The following SNCG variants were observed in gnomAD, a reference collection of about 807,000 sequenced individuals.
The protein encoded by SNCG is synuclein gamma.
A neutral mutation model predicts 16.0 loss-of-function variants in SNCG; 13 were observed. The observed-to-expected ratio is 0.81, with a 90% CI of 0.53 to 1.29. The LOEUF (loss-of-function observed/expected upper bound fraction) is 1.29. Ranked by LOEUF, SNCG falls within the 50% of genes most tolerant of loss-of-function variation. The pLI is 0.00. For missense variants in SNCG, 154 were observed against 168.5 expected (o/e 0.91, Z 0.48); for synonymous variants, 66 against 66.3 (o/e 1.00, Z 0.02).
rs776298995 is a variant in SNCG, at chr10:86,960,117, G to A, written c.280G>A (p.Val94Met). The change falls in exon 3 of 5, where the codon GTG (valine) becomes ATG (methionine). Residue 94 changes from valine (V) to methionine (M), a missense_variant. Transcript: ENST00000372017. ...GGAGAACATCGCGGTCACCTCCGGGGTGGTGCGCAAGGTGAGCCCCGGCCC... is the reference window on the plus strand; with the variant it reads ...GGAGAACATCGCGGTCACCTCCGGGATGGTGCGCAAGGTGAGCCCCGGCCC... ...EAENIAVTSG[V>M]VRKEDLRPSA... 56 of 1,612,332 alleles carry A rather than the reference G, an allele frequency of 3.5e-5. No individual in the cohort carries two copies. The highest frequency in any genetic ancestry group is 4.2e-6 in the Non-Finnish European group (5 of 1,179,274).
chr10:86,957,576 C>A, upstream of SNCG: 1 of 1,562,468 alleles, frequency 6.4e-7, no homozygotes, highest in Non-Finnish European at 8.6e-7. Context: ...CACACTCAGC[C>A]TTGGCAAGTA....
chr10:86,956,440 C>T (rs1039447677), upstream of SNCG, among the ~76,000 whole-genome samples: 1 of 152,232 alleles, frequency 6.6e-6, no homozygotes, highest in Non-Finnish European at 1.5e-5. Flanking sequence ...GTTGGCCCCC[C>T]CCTCACTCCC....
At position 86,960,035 on chromosome 10, in the gene SNCG, G is replaced by C. The variant is rs775526277; in HGVS notation, c.198G>C (p.Val66=). ...AGACCAAGGAGCAGGCCAACGCCGT[G>C]AGCGAGGCTGTGGTGAGCAGCGTCA... The part of the protein sequence containing the change: ...AEKTKEQANA[V]SEAVVSSVNT... The change falls in exon 3 of 5, where the codon GTG becomes GTC. Residue 66 remains valine, a synonymous_variant. Transcript: ENST00000372017. 1 of 1,611,094 alleles carries C rather than the reference G, an allele frequency of 6.2e-7. No individual in the cohort carries two copies. Among genetic ancestry groups the C allele is most frequent in the Middle Eastern group, 1.7e-4 (1 of 6,058 alleles).
Position 86,963,026 on chromosome 10 carries a change from C to T in SNCG, c.*41C>T, listed in dbSNP as rs1316952850. 6.3e-7 allele frequency: 1 copy of T among 1,577,450 alleles called. No individual in the cohort carries two copies. Among genetic ancestry groups the T allele is most frequent in the Non-Finnish European group, 8.6e-7 (1 of 1,159,830 alleles). ...CGTGGATGACCTGAAGAGCGCTCCTCTGCCTTGGACACCATCCCCTCCTAG... is the reference window on the plus strand; with the variant it reads ...CGTGGATGACCTGAAGAGCGCTCCTTTGCCTTGGACACCATCCCCTCCTAG... On this transcript the variant is annotated 3_prime_UTR_variant, in exon 5 of 5. Coordinates refer to ENST00000372017, the MANE Select transcript of SNCG (RefSeq NM_003087.3).
At chr10:86,956,467 C>A (rs1844233024), upstream of SNCG, among the ~76,000 whole-genome samples, 1 of 152,174 alleles carries the variant, frequency 6.6e-6, no homozygotes, top group Admixed American at 6.5e-5. Context: ...CATGTAGATG[C>A]CCTTAGCCAA....
Position 86,958,755 on chromosome 10 carries a change from G to GA in SNCG, c.62dup (p.Thr22AspfsTer10). On this transcript the variant is annotated frameshift_variant, in exon 1 of 5. Coordinates refer to ENST00000372017, the MANE Select transcript of SNCG (RefSeq NM_003087.3). LOFTEE classifies it high-confidence loss of function. ...CAAGGAGGGCGTGGTGGGTGCGGTGGAAAAGACCAAGCAGGGGGTGACGGA... is the reference window on the plus strand; with the variant it reads ...CAAGGAGGGCGTGGTGGGTGCGGTGGAAAAAGACCAAGCAGGGGGTGACGGA... The GA allele has an allele frequency of 6.2e-7, 1 of 1,613,886 alleles. No homozygotes were observed. The highest frequency in any genetic ancestry group is 8.5e-7 in the Non-Finnish European group (1 of 1,179,890).
upstream of SNCG, chr10:86,958,169 C>T (rs1344782251): frequency 3.1e-6 from 3 of 982,772 alleles, no homozygotes; most frequent in African/African-American, 3.5e-5. Flanking sequence ...GCCCAGGCCG[C>T]GGGAGGTTGG....
upstream of SNCG, chr10:86,958,499 C>CCAACCAACCA: frequency 9.0e-7 from 1 of 1,111,546 alleles, no homozygotes; most frequent in Non-Finnish European, 1.1e-6. Context: ...AACCTCCTTC[C>CCAACCAACCA]CTCCCTCCCT....
rs754860042 is a variant in SNCG, at chr10:86,959,688, G to C, written c.163+14G>C. ...GCGTGACCTCAGGTGAGAAGCCCCA[G>C]GGCCAGGGGACACATGGGGGATAGG... On this transcript the variant is annotated intron_variant, in intron 2 of 4. Transcript: ENST00000372017. This position sits in a 1 kb window ranked among gnomAD's most constrained non-coding sequence, Gnocchi z 4.3. 3.7e-6 allele frequency: 6 copies of C among 1,601,646 alleles called. No individual in the cohort carries two copies. In the East Asian group the frequency reaches 1.3e-4, roughly 36 times the overall value.
At chr10:86,962,800 C>G in intron 4 of SNCG, 125 bp downstream of exon 4, 1 of 1,121,110 alleles carries the variant, frequency 8.9e-7, no homozygotes, top group Non-Finnish European at 1.3e-6. Flanking sequence ...TTCCACAGCC[C>G]CTACAGGGAC....
chr10:86,959,666 T>C lies in SNCG; in HGVS notation c.155T>C (p.Val52Ala), dbSNP rs766360942. 2.9e-5 allele frequency: 47 copies of C among 1,610,010 alleles called. No homozygotes were observed. The highest frequency in any genetic ancestry group is 3.7e-5 in the Non-Finnish European group (44 of 1,178,446). The stretch of plus-strand genomic sequence containing the variant: ...ACCAAGGAGAATGTTGTACAGAGCG[T>C]GACCTCAGGTGAGAAGCCCCAGGGC... ...AKTKENVVQS[V>A]TSVAEKTKEQ... Residue 52 changes from valine to alanine, a missense_variant, in exon 2 of 5, where the codon GTG becomes GCG. Val to Ala is a moderately conservative substitution (Grantham distance 64). Transcript: ENST00000372017. This position sits in a 1 kb window ranked among gnomAD's most constrained non-coding sequence, Gnocchi z 4.3.
rs749400883 is a variant in SNCG at position 86,958,794 on chromosome 10, A to G, written c.97A>G (p.Thr33Ala). 14 of 1,611,708 alleles carry G rather than the reference A, an allele frequency of 8.7e-6. No individual in the cohort carries two copies. The highest frequency in any genetic ancestry group is 1.2e-5 in the Non-Finnish European group (14 of 1,178,792). Residue 33 changes from threonine to alanine, a missense_variant, in exon 1 of 5, where the codon ACC becomes GCC. By Grantham distance (58) the Thr-to-Ala change is moderately conservative. Coordinates refer to ENST00000372017, the MANE Select transcript of SNCG (RefSeq NM_003087.3). Reference protein sequence around the residue: ...KQGVTEAAEKTKEGVMYVGAK... With the variant: ...KQGVTEAAEKAKEGVMYVGAK... ...GGGGGTGACGGAAGCAGCTGAGAAGACCAAGGAGGGGGTCATGTATGTGGG... is the reference window on the plus strand; with the variant it reads ...GGGGGTGACGGAAGCAGCTGAGAAGGCCAAGGAGGGGGTCATGTATGTGGG...
upstream of SNCG, chr10:86,958,492 C>T (rs1252555162): frequency 7.8e-7 from 1 of 1,276,846 alleles, no homozygotes; most frequent in Non-Finnish European, 1.0e-6. Flanking sequence ...GAGGCTGAAC[C>T]TCCTTCCCTC....
intron 4 of SNCG, 99 bp from the exon 5 acceptor site, chr10:86,962,866 C>T: frequency 1.4e-6 from 2 of 1,401,610 alleles, no homozygotes; most frequent in East Asian, 2.4e-5. Context: ...GATGACCCCT[C>T]AGGCATGGGG....
chr10:86,962,756 C>T, intron 4 of SNCG, 81 bp downstream of exon 4: 2 of 1,301,260 alleles, frequency 1.5e-6, no homozygotes, highest in Non-Finnish European at 2.2e-6. Context: ...TGCTTCCCTC[C>T]TGGGCTCCCA....
At chr10:86,960,428 C>T (rs572562536) in intron 3 of SNCG, among the ~76,000 whole-genome samples, 1 of 152,250 alleles carries the variant, frequency 6.6e-6, no homozygotes, top group East Asian at 1.9e-4. Flanking sequence ...TAGGAGACAC[C>T]CCATTTTATA....
chr10:86,958,643 C>T lies in SNCG; in HGVS notation c.-55C>T, dbSNP rs1203316160. 3 of 1,610,452 alleles carry T rather than the reference C, an allele frequency of 1.9e-6. No homozygotes were observed. Among genetic ancestry groups the T allele is most frequent in the East Asian group, 4.5e-5 (2 of 44,780 alleles). ...CTCGAGCCAGCTCAAGCCCGCAGCT[C>T]GCAGGGAGATCCAGCTCCGTCCTGC... On this transcript the variant is annotated 5_prime_UTR_variant, in exon 1 of 5. Transcript: ENST00000372017.
chr10:86,961,313 C>G (rs1844345309), intron 3 of SNCG, among the ~76,000 whole-genome samples: 1 of 152,144 alleles, frequency 6.6e-6, no homozygotes, highest in Non-Finnish European at 1.5e-5. Context: ...CCTCTCTGGG[C>G]CTCCGTGTTC....
upstream of SNCG, chr10:86,958,504 C>CCA: frequency 8.4e-7 from 1 of 1,188,682 alleles, no homozygotes; most frequent in Non-Finnish European, 1.1e-6. Context: ...CCTTCCCTCC[C>CCA]TCCCTCCCTC....
Sources: allele counts gnomAD v4.1 joint callset (sites outside exome capture counted in the v4.1 genomes callset), GRCh38; gene constraint gnomAD v4.1.1; non-coding constraint Gnocchi (gnomAD v3.1); transcripts MANE v1.5; gene names NCBI Gene and HGNC (gene_info 2026-07-23, HGNC 2026-07-21).